MAP2K5: variants seen among roughly 807,000 people sequenced by gnomAD.
MAP2K5 encodes mitogen-activated protein kinase kinase 5.
MAP2K5 carries 49 observed loss-of-function variants against 83.1 expected under a neutral mutation model. That is an observed-to-expected ratio of 0.59 (90% CI 0.47 to 0.75). The LOEUF (loss-of-function observed/expected upper bound fraction) is 0.75. Ranked by LOEUF, MAP2K5 falls within the 30% of genes least tolerant of loss-of-function variation. The probability of loss-of-function intolerance (pLI) is 0.00; values close to 1 mark genes in which losing one functional copy is unlikely to be tolerated. For missense variants in MAP2K5, 457 were observed against 557.5 expected, an observed-to-expected ratio of 0.82 and a Z score of 1.82; for synonymous variants, 202 against 191.8, an observed-to-expected ratio of 1.05 and a Z score of -0.44.
intron 21 of MAP2K5, among the ~76,000 whole-genome samples, chr15:67,800,543 T>C (rs1195288504): frequency 6.6e-6 from 1 of 152,236 alleles, no homozygotes; most frequent in East Asian, 1.9e-4. Flanking sequence ...ATGTAGATGC[T>C]TAACAAAGGA....
chr15:67,593,018 A>G (rs2085448985), intron 7 of MAP2K5, 44 bp downstream of exon 7: 2 of 1,274,456 alleles, frequency 1.6e-6, no homozygotes. Context: ...ATAATAACAT[A>G]TTACCGTCCA....
intron 3 of MAP2K5, among the ~76,000 whole-genome samples, chr15:67,566,140 GT>G (rs988337262): frequency 6.6e-6 from 1 of 151,930 alleles, no homozygotes; most frequent in African/African-American, 2.4e-5. Context: ...CATTTTTATT[GT>G]TTTTTGCAAA....
chr15:67,580,636 C>T, intron 3 of MAP2K5, 118 bp from the exon 4 acceptor site: 1 of 693,678 alleles, frequency 1.4e-6, no homozygotes, highest in African/African-American at 1.8e-5. Flanking sequence ...AAAGTATTCT[C>T]AAGGCTGATA....
At position 67,794,176 on chromosome 15, in the gene MAP2K5, A is replaced by G. The variant is rs753867269; in HGVS notation, c.1243-12470A>G. Among the ~76,000 whole-genome samples the G allele has an allele frequency of 1.3e-5, 2 of 152,256 alleles. No homozygotes were observed. Among genetic ancestry groups the G allele is most frequent in the Non-Finnish European group, 2.9e-5 (2 of 68,044 alleles). Reference sequence around the variant, plus strand: ...CACCTTGGAAAATGCAGGTCACACCAGTCACCACCATCAAAAACGCATTTC... The same window carrying G: ...CACCTTGGAAAATGCAGGTCACACCGGTCACCACCATCAAAAACGCATTTC... On this transcript the variant is annotated intron_variant, in intron 21 of 21. Transcript: ENST00000178640. The surrounding 1 kb of genome is among the most constrained non-coding windows in gnomAD (Gnocchi z 4.6).
chr15:67,754,728 C>CA (rs893092920), intron 19 of MAP2K5, among the ~76,000 whole-genome samples: 9 of 152,084 alleles, frequency 5.9e-5, no homozygotes, highest in Non-Finnish European at 1.5e-5. Context: ...GAGGGAGGGA[C>CA]ACCACCATAG....
intron 15 of MAP2K5, among the ~76,000 whole-genome samples, chr15:67,696,885 A>T (rs1422316359): frequency 1.3e-5 from 2 of 152,242 alleles, no homozygotes; most frequent in Non-Finnish European, 2.9e-5. Flanking sequence ...AGGCTGAGGC[A>T]GGAGAATCAC....
In MAP2K5 at chr15:67,738,712, C is replaced by T. The variant is rs2089401325; in HGVS notation, c.1075-9519C>T. Among the ~76,000 whole-genome samples the T allele has an allele frequency of 6.6e-6, 1 of 152,206 alleles. No homozygotes were observed. The highest frequency in any genetic ancestry group is 2.4e-5 in the African/African-American group (1 of 41,454). ...ACATACACATGTACACACAACCACA[C>T]GAGCAGCTCTGCTTCTATCTGGTAA... On this transcript the variant is annotated intron_variant, in intron 17 of 21. Transcript: ENST00000178640. This position sits in a 1 kb window ranked among gnomAD's most constrained non-coding sequence, Gnocchi z 4.1.
intron 21 of MAP2K5, among the ~76,000 whole-genome samples, chr15:67,799,111 G>T (rs983311733): frequency 6.6e-6 from 1 of 152,272 alleles, no homozygotes; most frequent in African/African-American, 2.4e-5. Context: ...GGAGGTTGCA[G>T]TGAGCCGAGA....
rs1487343934 is a variant in MAP2K5 at position 67,586,820 on chromosome 15, G to C, written c.364-26G>C. On this transcript the variant is annotated intron_variant, in intron 5 of 21. Coordinates refer to ENST00000178640, the MANE Select transcript of MAP2K5 (RefSeq NM_145160.3). ...AACTGTGTCCTCAGAACACAAGACT[G>C]ATCAAGATTCTTTCTTTACTTATAG... is the stretch of plus-strand genomic sequence containing the variant. 3.1e-6 allele frequency: 5 copies of C among 1,607,162 alleles called. No individual in the cohort carries two copies. The Admixed American group carries it at 6.7e-5, about 21-fold the overall frequency.
intron 17 of MAP2K5, among the ~76,000 whole-genome samples, chr15:67,731,103 A>G (rs1268667072): frequency 6.6e-6 from 1 of 152,212 alleles, no homozygotes. Context: ...CCAGCTATCA[A>G]TCATAGGTTG....
rs1482471865 is a variant in MAP2K5, at chr15:67,760,668, A to C, written c.1135-8934A>C. On this transcript the variant is annotated intron_variant, in intron 19 of 21. Coordinates refer to ENST00000178640, the MANE Select transcript of MAP2K5 (RefSeq NM_145160.3). This position sits in a 1 kb window ranked among gnomAD's most constrained non-coding sequence, Gnocchi z 4.1. ...TTGTGTTATTTCCTTTGAATTGTCCATGAAGCCTGATGTATTATTAATGAA... is the reference window on the plus strand; with the variant it reads ...TTGTGTTATTTCCTTTGAATTGTCCCTGAAGCCTGATGTATTATTAATGAA... Among the ~76,000 whole-genome samples, 40 of 152,070 alleles carry C rather than the reference A, an allele frequency of 2.6e-4. 1 individual carries two copies. The highest frequency in any genetic ancestry group is 2.6e-3 in the Admixed American group (40 of 15,270).
chr15:67,594,660 A>G (rs975893382), intron 7 of MAP2K5, among the ~76,000 whole-genome samples: 2 of 152,190 alleles, frequency 1.3e-5, no homozygotes, highest in East Asian at 1.9e-4. Context: ...GAGGTTCTCT[A>G]TATGGTGGGA....
At chr15:67,588,068 A>G in intron 6 of MAP2K5, 3 of 985,108 alleles carry the variant, frequency 3.0e-6, no homozygotes, top group Non-Finnish European at 2.4e-6. Flanking sequence ...AGCTGCAGTC[A>G]TTCCCTGCTT....
At chr15:67,741,637 A>G (rs1209924169) in intron 17 of MAP2K5, among the ~76,000 whole-genome samples, 1 of 152,042 alleles carries the variant, frequency 6.6e-6, no homozygotes, top group Non-Finnish European at 1.5e-5. Context: ...TTCCCATGGA[A>G]CACACGGGCT....
At chr15:67,766,654 G>C (rs908785555) in intron 19 of MAP2K5, among the ~76,000 whole-genome samples, 1 of 152,094 alleles carries the variant, frequency 6.6e-6, no homozygotes, top group Non-Finnish European at 1.5e-5. Context: ...TAACAAAATA[G>C]GCAGGTTCTT....
chr15:67,748,152 A>T lies in MAP2K5; in HGVS notation c.1075-79A>T. On this transcript the variant is annotated intron_variant, in intron 17 of 21. Transcript: ENST00000178640. This position sits in a 1 kb window ranked among gnomAD's most constrained non-coding sequence, Gnocchi z 4.0. Reference sequence around the variant, plus strand: ...ACAAATTGCCACCAGCAATGCAATAATTTTCTCTCAGTGATCATAATGTGT... The same window carrying T: ...ACAAATTGCCACCAGCAATGCAATATTTTTCTCTCAGTGATCATAATGTGT... 1 of 1,016,610 alleles carries T rather than the reference A, an allele frequency of 9.8e-7. No individual in the cohort carries two copies. The highest frequency in any genetic ancestry group is 1.5e-6 in the Non-Finnish European group (1 of 657,688). 63.0% of individuals were successfully genotyped at this position (1,016,610 alleles called of 1,614,324 possible).
intron 21 of MAP2K5, among the ~76,000 whole-genome samples, chr15:67,800,427 A>G (rs962424259): frequency 2.0e-5 from 3 of 152,176 alleles, no homozygotes; most frequent in South Asian, 2.1e-4. Flanking sequence ...GCCAGTGGCA[A>G]TCTCATACCT....
At chr15:67,728,082 T>C in intron 17 of MAP2K5, 137 bp downstream of exon 17, 1 of 767,892 alleles carries the variant, frequency 1.3e-6, no homozygotes, top group Non-Finnish European at 2.3e-6. Flanking sequence ...TCTTAAAGGG[T>C]TCATTTAGAA....
Position 67,794,570 on chromosome 15 carries a change from C to A in MAP2K5, c.1243-12076C>A, listed in dbSNP as rs2090572247. Among the ~76,000 whole-genome samples, 1 of 150,796 alleles carries A rather than the reference C, an allele frequency of 6.6e-6. No homozygotes were observed. Among genetic ancestry groups the A allele is most frequent in the Admixed American group, 6.6e-5 (1 of 15,098 alleles). On this transcript the variant is annotated intron_variant, in intron 21 of 21. Transcript: ENST00000178640. This position sits in a 1 kb window ranked among gnomAD's most constrained non-coding sequence, Gnocchi z 4.6. ...CTTCTTCCAAATTTTCCCCAGCCAG[C>A]TCCCTGCACTCCTGACCCTCAGCAG... is the stretch of plus-strand genomic sequence containing the variant.
Sources: allele counts gnomAD v4.1 joint callset (sites outside exome capture counted in the v4.1 genomes callset), GRCh38; gene constraint gnomAD v4.1.1; non-coding constraint Gnocchi (gnomAD v3.1); transcripts MANE v1.5; gene names NCBI Gene and HGNC (gene_info 2026-07-23, HGNC 2026-07-21).